Variants in ZNF708 observed in about 807,000 individuals in gnomAD.
ZNF708 encodes zinc finger protein 708, also known as ZNF15, ZNF15L1.
Under a neutral mutation model 47.0 loss-of-function variants are expected in ZNF708, and 44 were observed. The ratio of observed to expected loss-of-function variants is 0.94; its 90% CI spans 0.74 to 1.20. The LOEUF (loss-of-function observed/expected upper bound fraction) is 1.20. Among genes scored for constraint, ZNF708 ranks in the 50% most tolerant of loss-of-function variants. The probability of loss-of-function intolerance (pLI) is 0.00; values close to 1 mark genes in which losing one functional copy is unlikely to be tolerated. For synonymous variants in ZNF708, 184 were observed against 218.5 expected (o/e 0.84, Z 1.39); for missense variants, 557 against 656.0 (o/e 0.85, Z 1.65).
chr19:21,321,658 TGA>T (rs1242780330), intron 1 of ZNF708, among the ~76,000 whole-genome samples: 14 of 84,194 alleles, frequency 1.7e-4, no homozygotes, highest in Admixed American at 1.5e-4. Context: ...GGGAGGGAGG[TGA>T]GAGAGAGAGA....
rs906975160 is a variant in ZNF708 at position 21,309,388 on chromosome 19, A to G, written c.131-47T>C. On this transcript the variant is annotated intron_variant, in intron 2 of 3. Coordinates refer to ENST00000356929, the MANE Select transcript of ZNF708 (RefSeq NM_021269.3). ...ACGTGAATCTTGCTCATATTCTCCA[A>G]TTACCAACCTAGTAATTTTCTCAGT... The G allele has an allele frequency of 6.1e-6, 9 of 1,479,252 alleles. No homozygotes were observed. The African/African-American group carries it at 7.1e-5, about 12-fold the overall frequency. 91.6% of individuals were successfully genotyped at this position (1,479,252 alleles called of 1,614,324 possible).
intron 1 of ZNF708, chr19:21,327,979 GA>G: frequency 7.9e-6 from 8 of 1,017,154 alleles, no homozygotes; most frequent in East Asian, 9.1e-5. Flanking sequence ...TCCTCAGGGA[GA>G]AAAATGACCC....
chr19:21,319,711 C>T (rs563516280), intron 1 of ZNF708, among the ~76,000 whole-genome samples: 1 of 152,190 alleles, frequency 6.6e-6, no homozygotes, highest in African/African-American at 2.4e-5. Context: ...TTTAAAAATG[C>T]TCATCACTAA....
chr19:21,305,450 T>C (rs1479102015), intron 3 of ZNF708, among the ~76,000 whole-genome samples: 1 of 151,516 alleles, frequency 6.6e-6, no homozygotes, highest in African/African-American at 2.4e-5. Context: ...ATAGTTTATT[T>C]TTTTATTTTT....
At chr19:21,297,563 A>G (rs1972565722) in intron 3 of ZNF708, among the ~76,000 whole-genome samples, 1 of 146,866 alleles carries the variant, frequency 6.8e-6, no homozygotes, top group Non-Finnish European at 1.5e-5. Flanking sequence ...AAAATGAGGG[A>G]CAAAGATACA....
chr19:21,317,404 G>GC (rs919818317), intron 1 of ZNF708, among the ~76,000 whole-genome samples: 5 of 152,200 alleles, frequency 3.3e-5, no homozygotes, highest in African/African-American at 1.2e-4. Context: ...AATAGGCAGA[G>GC]ATGCAATTCT....
In ZNF708 at chr19:21,329,407, G is replaced by T; in HGVS notation, c.-195C>A. ...CCCTGTCCGGTCCAGCTGCGTGTCT[G>T]AGTGAACTGTCCCCAGCTCAGAGTC... On this transcript the variant is annotated 5_prime_UTR_variant, in exon 1 of 4. Coordinates refer to ENST00000356929, the MANE Select transcript of ZNF708 (RefSeq NM_021269.3). The T allele has an allele frequency of 1.3e-6, 1 of 741,456 alleles. No individual in the cohort carries two copies. Among genetic ancestry groups the T allele is most frequent in the South Asian group, 1.6e-5 (1 of 61,068 alleles). The allele number at this position is 741,456 out of a possible 1,614,324, so 45.9% of individuals were successfully genotyped here.
At chr19:21,308,900 G>A (rs981657712) in intron 3 of ZNF708, among the ~76,000 whole-genome samples, 2 of 151,922 alleles carry the variant, frequency 1.3e-5, no homozygotes, top group African/African-American at 4.8e-5. Context: ...GATGCAAAAA[G>A]AGAACTTACA....
chr19:21,297,270 ATTTTTTTTTT>A lies in ZNF708; in HGVS notation c.227-2541_227-2532del, dbSNP rs1157234305. Among the ~76,000 whole-genome samples, 172 of 46,578 alleles carry A rather than the reference ATTTTTTTTTT, an allele frequency of 3.7e-3. 1 individual carries two copies. The highest frequency in any genetic ancestry group is 4.9e-3 in the South Asian group (5 of 1,030). The allele number at this position is 46,578 out of a possible 152,430, so 30.6% of individuals were successfully genotyped here. A position where few individuals can be genotyped will look rare whatever the true frequency, so the allele number is the denominator to read the frequency against. ...TATATATATATATATATATATATAT[ATTTTTTTTTT>A]TTTTTTTTTTTTTTTTTTTCAGATG... On this transcript the variant is annotated intron_variant, in intron 3 of 3. Coordinates refer to ENST00000356929, the MANE Select transcript of ZNF708 (RefSeq NM_021269.3).
intron 1 of ZNF708, 130 bp downstream of exon 1, chr19:21,329,080 G>A: frequency 7.1e-7 from 1 of 1,402,632 alleles, no homozygotes; most frequent in Non-Finnish European, 1.0e-6. Flanking sequence ...CTGAGGCCGA[G>A]CTAGGCAAGG....
At chr19:21,306,466 GA>G (rs1262782373) in intron 3 of ZNF708, among the ~76,000 whole-genome samples, 1 of 151,518 alleles carries the variant, frequency 6.6e-6, no homozygotes, top group East Asian at 1.9e-4. Flanking sequence ...AAAAGTATTT[GA>G]AAAGAAAAGC....
chr19:21,327,625 C>T (rs7256361), intron 1 of ZNF708, among the ~76,000 whole-genome samples: 85,545 of 151,866 alleles, frequency 0.56, 24,354 homozygotes, highest in Middle Eastern at 0.69. Flanking sequence ...AATAACCACC[C>T]TCTCAGGAGA....
chr19:21,293,510 T>C lies in ZNF708; in HGVS notation c.1456A>G (p.Ile486Val), dbSNP rs1972441925. ...YKCEECGKSF[I>V]LSSHLTTHKI... ...TGTGTAGTAAGATGAGAGGACAGAA[T>C]AAAGCTTTTGCCACATTCTTCACAC... The change falls in exon 4 of 4, where the codon ATT becomes GTT. Residue 486 changes from isoleucine (I) to valine (V), a missense_variant. Ile to Val is a conservative substitution (Grantham distance 29). Transcript: ENST00000356929. The C allele has an allele frequency of 3.7e-6, 6 of 1,613,384 alleles. No individual in the cohort carries two copies. Among genetic ancestry groups the C allele is most frequent in the Non-Finnish European group, 5.1e-6 (6 of 1,179,790 alleles).
chr19:21,316,922 C>T (rs1371677973), intron 1 of ZNF708, among the ~76,000 whole-genome samples: 1 of 151,818 alleles, frequency 6.6e-6, no homozygotes, highest in African/African-American at 2.4e-5. Context: ...CAGTAGCTGG[C>T]ATTACAGGCG....
At chr19:21,303,910 C>T (rs184958614) in intron 3 of ZNF708, among the ~76,000 whole-genome samples, 228 of 151,940 alleles carry the variant, frequency 1.5e-3, no homozygotes, top group Middle Eastern at 0.01. Flanking sequence ...AACATAAGAG[C>T]TGCAAAATAT....
intron 1 of ZNF708, chr19:21,328,198 GC>G: frequency 6.3e-6 from 1 of 159,294 alleles, no homozygotes; most frequent in Non-Finnish European, 1.3e-5. Context: ...AAAAAAAAAA[GC>G]CATAGAAATT....
intron 3 of ZNF708, among the ~76,000 whole-genome samples, chr19:21,296,718 A>G (rs1017077981): frequency 6.6e-6 from 1 of 152,014 alleles, no homozygotes; most frequent in Non-Finnish European, 1.5e-5. Flanking sequence ...ATTTACATAC[A>G]CAAAAACAGA....
intron 1 of ZNF708, among the ~76,000 whole-genome samples, chr19:21,324,649 TATC>T (rs1436612975): frequency 3.9e-5 from 6 of 152,204 alleles, no homozygotes; most frequent in Non-Finnish European, 8.8e-5. Flanking sequence ...TTATATTTCA[TATC>T]TCAATAAGAA....
chr19:21,312,653 C>T (rs530667702), intron 1 of ZNF708, among the ~76,000 whole-genome samples: 1 of 152,244 alleles, frequency 6.6e-6, no homozygotes, highest in East Asian at 1.9e-4. Context: ...AATTTTGGAC[C>T]CACTCTACGT....
Sources: gnomAD v4.1 joint callset for allele counts (sites outside exome capture counted in the v4.1 genomes callset) on GRCh38, gnomAD v4.1.1 for gene constraint, MANE v1.5 for transcripts, NCBI Gene and HGNC (gene_info 2026-07-23, HGNC 2026-07-21) for gene names.